Variants in TMEM11 observed in about 807,000 individuals in gnomAD.
TMEM11 encodes transmembrane protein 11, mitochondrial.
In TMEM11, 1 loss-of-function variant was observed where a neutral mutation model predicts 17.0. The ratio of observed to expected loss-of-function variants is 0.06; its 90% CI spans 0.02 to 0.28. The LOEUF is 0.28. Among genes scored for constraint, TMEM11 ranks in the 10% least tolerant of loss-of-function variants. TMEM11 has a pLI of 1.00. For synonymous variants in TMEM11, 122 were observed against 118.1 expected (o/e 1.03, Z -0.21); for missense variants, 172 against 252.9 (o/e 0.68, Z 2.17).
intron 1 of TMEM11, chr17:21,210,974 C>T (rs892069139): frequency 7.8e-7 from 1 of 1,289,366 alleles, no homozygotes; most frequent in Non-Finnish European, 1.0e-6. Flanking sequence ...GGTTCAGGGG[C>T]CCTGAGACAG....
chr17:21,201,968 A>G (rs1974887197), intron 1 of TMEM11, among the ~76,000 whole-genome samples: 1 of 152,240 alleles, frequency 6.6e-6, no homozygotes, highest in Non-Finnish European at 1.5e-5. Flanking sequence ...ACAGCAAACA[A>G]GCACACCCAA....
At chr17:21,200,563 C>A (rs890743137) in intron 1 of TMEM11, among the ~76,000 whole-genome samples, 1 of 152,146 alleles carries the variant, frequency 6.6e-6, no homozygotes, top group Admixed American at 6.5e-5. Context: ...ATGGTCGGAC[C>A]CATCTGACTA....
chr17:21,199,822 C>T (rs73307624), intron 1 of TMEM11, among the ~76,000 whole-genome samples: 7 of 152,090 alleles, frequency 4.6e-5, no homozygotes, highest in African/African-American at 1.7e-4. Flanking sequence ...TAGCCCACTG[C>T]ATAGGAAAAG....
intron 1 of TMEM11, among the ~76,000 whole-genome samples, chr17:21,206,854 T>G (rs1974947993): frequency 6.6e-6 from 1 of 152,102 alleles, no homozygotes; most frequent in South Asian, 2.1e-4. Context: ...TTTACTGAGA[T>G]AGAATTCACA....
Position 21,198,172 on chromosome 17 carries a change from G to T in TMEM11, c.*152C>A. On this transcript the variant is annotated 3_prime_UTR_variant, in exon 2 of 2. Coordinates refer to ENST00000317635, the MANE Select transcript of TMEM11 (RefSeq NM_003876.3). This position sits in a 1 kb window ranked among gnomAD's most constrained non-coding sequence, Gnocchi z 6.5. Reference sequence around the variant, plus strand: ...TTAGTGTAATGAGCTGAAAAACCCTGGGTACACCCGTGATCTGTTATTTTT... The same window carrying T: ...TTAGTGTAATGAGCTGAAAAACCCTTGGTACACCCGTGATCTGTTATTTTT... 2 of 999,368 alleles carry T rather than the reference G, an allele frequency of 2.0e-6. No individual in the cohort carries two copies. Among genetic ancestry groups the T allele is most frequent in the Non-Finnish European group, 2.9e-6 (2 of 689,990 alleles). 61.9% of individuals were successfully genotyped at this position (999,368 alleles called of 1,614,324 possible). A position where few individuals can be genotyped will look rare whatever the true frequency, so the allele number is the denominator to read the frequency against.
intron 1 of TMEM11, among the ~76,000 whole-genome samples, chr17:21,210,676 G>A (rs1359147253): frequency 3.9e-5 from 6 of 152,200 alleles, no homozygotes; most frequent in African/African-American, 7.2e-5. Context: ...GACAGGTCCT[G>A]GGGAATAAAG....
Position 21,198,351 on chromosome 17 carries a change from C to T in TMEM11, c.552G>A (p.Lys184=). 1 of 1,614,126 alleles carries T rather than the reference C, an allele frequency of 6.2e-7. No homozygotes were observed. Among genetic ancestry groups the T allele is most frequent in the Non-Finnish European group, 8.5e-7 (1 of 1,179,968 alleles). Residue 184 remains lysine, a synonymous_variant, in exon 2 of 2, where the codon AAG becomes AAA. Transcript: ENST00000317635. This position sits in a 1 kb window ranked among gnomAD's most constrained non-coding sequence, Gnocchi z 6.5. ...IALAALVYCV[K]KIYELYAV ...ATACGGCATAGAGTTCGTAAATCTT[C>T]TTTACACAGTACACCAGGGCGGCCA...
At chr17:21,206,874 A>C (rs1974948117) in intron 1 of TMEM11, among the ~76,000 whole-genome samples, 1 of 152,098 alleles carries the variant, frequency 6.6e-6, no homozygotes, top group Admixed American at 6.6e-5. Flanking sequence ...AGCTTTACTG[A>C]GATAGAATTC....
At chr17:21,204,007 T>TTA (rs1974913581) in intron 1 of TMEM11, among the ~76,000 whole-genome samples, 1 of 146,950 alleles carries the variant, frequency 6.8e-6, no homozygotes, top group Non-Finnish European at 1.5e-5. Flanking sequence ...TTTTTTTTTT[T>TTA]AAGTAAGAGC....
intron 1 of TMEM11, among the ~76,000 whole-genome samples, chr17:21,207,800 A>T (rs921017106): frequency 2.4e-4 from 36 of 151,412 alleles, no homozygotes; most frequent in African/African-American, 8.0e-4. Context: ...AGGCAGGAGA[A>T]TCGCTTGAAC....
In TMEM11 at chr17:21,198,244, C is replaced by G. The variant is rs1211449523; in HGVS notation, c.*80G>C. ...CAAACACCTGCCCAGGCTCTGCTGCCTCACAGAGTGTGGCGATCTGAATAC... is the reference window on the plus strand; with the variant it reads ...CAAACACCTGCCCAGGCTCTGCTGCGTCACAGAGTGTGGCGATCTGAATAC... On this transcript the variant is annotated 3_prime_UTR_variant, in exon 2 of 2. Transcript: ENST00000317635. This position sits in a 1 kb window ranked among gnomAD's most constrained non-coding sequence, Gnocchi z 6.5. 2 of 1,510,632 alleles carry G rather than the reference C, an allele frequency of 1.3e-6. No homozygotes were observed. Among genetic ancestry groups the G allele is most frequent in the Non-Finnish European group, 8.9e-7 (1 of 1,118,750 alleles). 93.6% of individuals were successfully genotyped at this position (1,510,632 alleles called of 1,614,324 possible).
At chr17:21,205,737 A>G (rs1409459552) in intron 1 of TMEM11, among the ~76,000 whole-genome samples, 1 of 150,944 alleles carries the variant, frequency 6.6e-6, no homozygotes, top group Non-Finnish European at 1.5e-5. Flanking sequence ...GCAAACTACC[A>G]TTCTACTTTC....
chr17:21,203,901 G>A (rs973699727), intron 1 of TMEM11, among the ~76,000 whole-genome samples: 12 of 148,194 alleles, frequency 8.1e-5, no homozygotes, highest in African/African-American at 3.0e-4. Flanking sequence ...AACTGGTAAG[G>A]CCATGGGCTT....
intron 1 of TMEM11, chr17:21,208,584 C>G (rs765591362): frequency 3.3e-5 from 5 of 152,346 alleles, no homozygotes; most frequent in Non-Finnish European, 5.9e-5. Context: ...TTCCCTTGAG[C>G]AAACACTGGC....
intron 1 of TMEM11, among the ~76,000 whole-genome samples, chr17:21,204,968 T>C (rs1422087395): frequency 6.6e-6 from 1 of 152,122 alleles, no homozygotes; most frequent in Non-Finnish European, 1.5e-5. Context: ...CAGGCACTCA[T>C]AAAGTGGGCA....
chr17:21,200,092 T>TA (rs759704618), intron 1 of TMEM11, among the ~76,000 whole-genome samples: 2 of 151,574 alleles, frequency 1.3e-5, no homozygotes, highest in Non-Finnish European at 2.9e-5. Context: ...AGCAGGAGAG[T>TA]AATCCACCAC....
intron 1 of TMEM11, among the ~76,000 whole-genome samples, chr17:21,211,553 TCAA>T: frequency 6.6e-6 from 1 of 152,344 alleles, no homozygotes; most frequent in South Asian, 2.1e-4. Flanking sequence ...GGTTCTAGAC[TCAA>T]CAAGGTAAAG....
intron 1 of TMEM11, among the ~76,000 whole-genome samples, chr17:21,211,557 C>A (rs542366613): frequency 4.2e-4 from 64 of 152,342 alleles, no homozygotes; most frequent in African/African-American, 1.2e-3. Context: ...CTAGACTCAA[C>A]AAGGTAAAGC....
Position 21,198,922 on chromosome 17 carries a change from G to T in TMEM11, c.63-82C>A. 6.8e-7 allele frequency: 1 copy of T among 1,478,584 alleles called. No homozygotes were observed. The highest frequency in any genetic ancestry group is 9.1e-7 in the Non-Finnish European group (1 of 1,098,784). 91.6% of individuals were successfully genotyped at this position (1,478,584 alleles called of 1,614,324 possible). On this transcript the variant is annotated intron_variant, in intron 1 of 1. Transcript: ENST00000317635. This position sits in a 1 kb window ranked among gnomAD's most constrained non-coding sequence, Gnocchi z 6.5. ...GAGGAGCACTTAACTGTGTTTCAGC[G>T]CTGGGGGAGGTCTGAGCCTGCACTG...
Sources: allele counts gnomAD v4.1 joint callset (sites outside exome capture counted in the v4.1 genomes callset), GRCh38; gene constraint gnomAD v4.1.1; non-coding constraint Gnocchi (gnomAD v3.1); transcripts MANE v1.5; gene names NCBI Gene and HGNC (gene_info 2026-07-23, HGNC 2026-07-21).